ACVR2B: variants seen among roughly 807,000 people sequenced by gnomAD.
ACVR2B encodes the protein activin receptor type-2B.
ACVR2B carries 18 observed loss-of-function variants against 65.1 expected under a neutral mutation model. The observed-to-expected ratio is 0.28, with a 90% CI of 0.19 to 0.41. The LOEUF (loss-of-function observed/expected upper bound fraction) is 0.41. ACVR2B is among the 10% of genes least tolerant of loss of function. ACVR2B has a pLI of 1.00. For synonymous variants in ACVR2B, 298 were observed against 277.7 expected (o/e 1.07, Z -0.73); for missense variants, 482 against 682.7 (o/e 0.71, Z 3.28).
intron 1 of ACVR2B, 66 bp downstream of exon 1, chr3:38,454,440 G>T (rs1302267060): frequency 2.2e-5 from 26 of 1,205,702 alleles, no homozygotes; most frequent in Non-Finnish European, 2.6e-5. Flanking sequence ...GCGCCGCGCG[G>T]TGTTTACCAA....
intron 5 of ACVR2B, 124 bp downstream of exon 5, chr3:38,478,642 A>T (rs977578798): frequency 7.3e-7 from 1 of 1,365,256 alleles, no homozygotes; most frequent in Admixed American, 2.0e-5. Flanking sequence ...AGTGAGCCTT[A>T]CTGGGCCTAG....
In ACVR2B at chr3:38,479,236, G is replaced by C. The variant is rs540729310; in HGVS notation, c.775G>C (p.Val259Leu). ...CGAGAAGCGAGGCTCCAACCTCGAA[G>C]TAGAGCTGTGGCTCATCACGGCCTT... ...AAEKRGSNLE[V>L]ELWLITAFHD... Residue 259 changes from valine to leucine, a missense_variant, in exon 6 of 11, where the codon GTA becomes CTA. Physicochemically the swap from Val to Leu is conservative, Grantham distance 32. This residue lies in a region of ACVR2B where 223 missense variants were observed against 386.3 expected (regional missense o/e 0.58). Coordinates refer to ENST00000352511, the MANE Select transcript of ACVR2B (RefSeq NM_001106.4). The C allele has an allele frequency of 5.5e-5, 88 of 1,614,172 alleles. No homozygotes were observed. Among genetic ancestry groups the C allele is most frequent in the Non-Finnish European group, 7.2e-5 (85 of 1,180,016 alleles).
intron 1 of ACVR2B, among the ~76,000 whole-genome samples, chr3:38,455,070 G>A (rs1299160537): frequency 1.3e-5 from 2 of 152,164 alleles, no homozygotes; most frequent in Admixed American, 6.5e-5. Context: ...CAGGAGGCAC[G>A]TGGCGGGGTG....
intron 1 of ACVR2B, among the ~76,000 whole-genome samples, chr3:38,463,576 T>C (rs1470624588): frequency 6.6e-6 from 1 of 152,282 alleles, no homozygotes; most frequent in Non-Finnish European, 1.5e-5. Context: ...TGCTTCCCAG[T>C]CTTGTTCTTC....
chr3:38,477,895 G>A lies in ACVR2B; in HGVS notation c.295G>A (p.Val99Met). The change falls in exon 3 of 11, where the codon GTG becomes ATG. Residue 99 changes from valine (V) to methionine (M), a missense_variant. Val to Met is a conservative substitution (Grantham distance 21, BLOSUM62 1). Transcript: ENST00000352511. The surrounding 1 kb of genome is among the most constrained non-coding windows in gnomAD (Gnocchi z 6.7). ...ECVATEENPQ[V>M]YFCCCEGNFC... ...TGTGGCCACTGAGGAGAACCCCCAGGTGTACTTCTGCTGCTGTGAAGGCAA... is the reference window on the plus strand; with the variant it reads ...TGTGGCCACTGAGGAGAACCCCCAGATGTACTTCTGCTGCTGTGAAGGCAA... 1 of 1,614,116 alleles carries A rather than the reference G, an allele frequency of 6.2e-7. No homozygotes were observed. The highest frequency in any genetic ancestry group is 8.5e-7 in the Non-Finnish European group (1 of 1,180,002).
chr3:38,475,299 C>G (rs1709888747), intron 1 of ACVR2B: 1 of 152,268 alleles, frequency 6.6e-6, no homozygotes, highest in African/African-American at 2.4e-5. Context: ...AGTGTGTACC[C>G]TTGTAAGCCT....
intron 1 of ACVR2B, among the ~76,000 whole-genome samples, chr3:38,461,648 G>A (rs1388398205): frequency 6.6e-6 from 1 of 152,012 alleles, no homozygotes; most frequent in Non-Finnish European, 1.5e-5. Context: ...CCACCCTGGG[G>A]TATAGTTGGG....
At chr3:38,466,929 G>A (rs1373618741) in intron 1 of ACVR2B, among the ~76,000 whole-genome samples, 6 of 152,270 alleles carry the variant, frequency 3.9e-5, no homozygotes, top group East Asian at 1.9e-4. Flanking sequence ...ATAAATATTC[G>A]GGCATTTATT....
chr3:38,456,607 C>T (rs147775422), intron 1 of ACVR2B, among the ~76,000 whole-genome samples: 2 of 152,302 alleles, frequency 1.3e-5, no homozygotes, highest in East Asian at 3.9e-4. Flanking sequence ...TAAGTCTGAG[C>T]CCAGGGTGCA....
intron 1 of ACVR2B, among the ~76,000 whole-genome samples, chr3:38,465,948 A>G (rs555746774): frequency 6.6e-6 from 1 of 152,390 alleles, no homozygotes; most frequent in East Asian, 1.9e-4. Context: ...AGCTGTAGTT[A>G]TACTGACAGC....
rs947555527 is a variant in ACVR2B at position 38,486,436 on chromosome 3, G to A, written c.*3104G>A. On this transcript the variant is annotated 3_prime_UTR_variant, in exon 11 of 11. Coordinates refer to ENST00000352511, the MANE Select transcript of ACVR2B (RefSeq NM_001106.4). ...CCGGGTAAATGCTTGTCTGTTTGCTGTCATGTGTTCTTTGAGGAGTGAGCC... is the reference window on the plus strand; with the variant it reads ...CCGGGTAAATGCTTGTCTGTTTGCTATCATGTGTTCTTTGAGGAGTGAGCC... 2.6e-5 allele frequency: 4 copies of A among 152,348 alleles called. No homozygotes were observed. The highest frequency in any genetic ancestry group is 9.6e-5 in the African/African-American group (4 of 41,460). 9.4% of individuals were successfully genotyped at this position (152,348 alleles called of 1,614,324 possible).
Position 38,484,903 on chromosome 3 carries a change from A to G in ACVR2B, c.*1571A>G, listed in dbSNP as rs771958167. 1.3e-5 allele frequency: 2 copies of G among 152,658 alleles called. No homozygotes were observed. The highest frequency in any genetic ancestry group is 2.9e-5 in the Non-Finnish European group (2 of 68,046). 9.5% of individuals were successfully genotyped at this position (152,658 alleles called of 1,614,324 possible). A position where few individuals can be genotyped will look rare whatever the true frequency, so the allele number is the denominator to read the frequency against. ...TTTGTGACAAGGAAGTTTAAAAGAA[A>G]TAGAGAAAAAGAAAAAAGTTTGCAT... On this transcript the variant is annotated 3_prime_UTR_variant, in exon 11 of 11. Coordinates refer to ENST00000352511, the MANE Select transcript of ACVR2B (RefSeq NM_001106.4).
In ACVR2B at chr3:38,477,564, G is replaced by A. The variant is rs927402846; in HGVS notation, c.260+70G>A. ...TTATACTGCCCACTGGGCCATTTGGGTCTCAGGATGTCTGAGTGGGAGATA... is the reference window on the plus strand; with the variant it reads ...TTATACTGCCCACTGGGCCATTTGGATCTCAGGATGTCTGAGTGGGAGATA... On this transcript the variant is annotated intron_variant, in intron 2 of 10. Transcript: ENST00000352511. This position sits in a 1 kb window ranked among gnomAD's most constrained non-coding sequence, Gnocchi z 6.7. 2 of 1,526,140 alleles carry A rather than the reference G, an allele frequency of 1.3e-6. No individual in the cohort carries two copies. Among genetic ancestry groups the A allele is most frequent in the Non-Finnish European group, 1.8e-6 (2 of 1,117,368 alleles). The allele number at this position is 1,526,140 out of a possible 1,614,324, so 94.5% of individuals were successfully genotyped here.
intron 1 of ACVR2B, among the ~76,000 whole-genome samples, chr3:38,455,776 C>G (rs1167412639): frequency 6.6e-6 from 1 of 152,076 alleles, no homozygotes; most frequent in African/African-American, 2.4e-5. Flanking sequence ...CTCTTTTTTG[C>G]CCCGCTCCCT....
At chr3:38,478,574 G>C in intron 5 of ACVR2B, 56 bp downstream of exon 5, 1 of 1,612,380 alleles carries the variant, frequency 6.2e-7, no homozygotes, top group Non-Finnish European at 8.5e-7. Flanking sequence ...GCTTGAACTG[G>C]AGGCTCTCCT....
chr3:38,471,927 A>G (rs1190033042), intron 1 of ACVR2B, among the ~76,000 whole-genome samples: 1 of 152,234 alleles, frequency 6.6e-6, no homozygotes, highest in African/African-American at 2.4e-5. Flanking sequence ...TATATGGATG[A>G]AGGACAAAAA....
In ACVR2B at chr3:38,477,688, AC is replaced by A. The variant is rs1219165067; in HGVS notation, c.261-169del. On this transcript the variant is annotated intron_variant, in intron 2 of 10. Coordinates refer to ENST00000352511, the MANE Select transcript of ACVR2B (RefSeq NM_001106.4). The surrounding 1 kb of genome is among the most constrained non-coding windows in gnomAD (Gnocchi z 6.7). Reference sequence around the variant, plus strand: ...GCCCTGAGGAGGGGTCTCAGTGTCAACCCCTGGCTGTTCTTCCTTGGCTTTG... The same window carrying A: ...GCCCTGAGGAGGGGTCTCAGTGTCAACCCTGGCTGTTCTTCCTTGGCTTTG... Among the ~76,000 whole-genome samples the A allele has an allele frequency of 7.2e-5, 11 of 152,100 alleles. No homozygotes were observed. Among genetic ancestry groups the A allele is most frequent in the African/African-American group, 2.4e-4 (10 of 41,494 alleles).
In ACVR2B at chr3:38,482,506, G is replaced by C. The variant is rs1298352495; in HGVS notation, c.1290G>C (p.Val430=). The part of the protein sequence containing the change: ...QHPSLEELQE[V]VVHKKMRPTI... ...CTTCGTTGGAGGAGCTGCAGGAGGT[G>C]GTGGTGCACAAGAAGATGAGGCCCA... The change falls in exon 10 of 11, where the codon GTG becomes GTC. Residue 430 remains valine, a synonymous_variant. Transcript: ENST00000352511. 6.2e-7 allele frequency: 1 copy of C among 1,612,408 alleles called. No homozygotes were observed. The highest frequency in any genetic ancestry group is 1.1e-5 in the South Asian group (1 of 90,766).
intron 1 of ACVR2B, 43 bp downstream of exon 1, chr3:38,454,417 G>T: frequency 8.1e-7 from 1 of 1,237,408 alleles, no homozygotes; most frequent in Non-Finnish European, 1.0e-6. Context: ...AGGGCGCGCG[G>T]GGCTGGCCTC....
Sources: allele counts gnomAD v4.1 joint callset (sites outside exome capture counted in the v4.1 genomes callset), GRCh38; gene constraint gnomAD v4.1.1; regional missense constraint gnomAD v4.1.1; non-coding constraint Gnocchi (gnomAD v3.1); transcripts MANE v1.5; gene names NCBI Gene and HGNC (gene_info 2026-07-23, HGNC 2026-07-21).